The following AFG2A variants were observed in gnomAD, a reference collection of about 807,000 sequenced individuals.
AFG2A encodes the protein AAA ATPase AFG2A, also known as ATPase family gene 2 protein homolog A.
the AFG2A span, among the ~76,000 whole-genome samples, chr4:123,197,814 T>C: frequency 3.9e-5 from 6 of 151,972 alleles, no homozygotes; most frequent in African/African-American, 1.4e-4. Flanking sequence ...TACTTTACCT[T>C]CATGGATGTT....
the AFG2A span, among the ~76,000 whole-genome samples, chr4:122,940,737 GT>G: frequency 6.6e-6 from 1 of 152,110 alleles, no homozygotes; most frequent in South Asian, 2.1e-4. Flanking sequence ...TAATGCCTAG[GT>G]TTTCTTCTAG....
At chr4:122,941,135 T>G in the AFG2A span, among the ~76,000 whole-genome samples, 4 of 150,970 alleles carry the variant, frequency 2.6e-5, no homozygotes, top group African/African-American at 7.3e-5. Flanking sequence ...TGGTTCCATA[T>G]GAACTTTAAA....
At chr4:123,085,876 T>G in the AFG2A span, among the ~76,000 whole-genome samples, 1 of 152,106 alleles carries the variant, frequency 6.6e-6, no homozygotes, top group Admixed American at 6.5e-5. Flanking sequence ...TTTGTTTGTT[T>G]GTTTTTCAGT....
the AFG2A span, chr4:123,028,269 G>T: frequency 1.9e-6 from 3 of 1,614,154 alleles, no homozygotes; most frequent in South Asian, 3.3e-5. Flanking sequence ...AACATCCAGA[G>T]TCTTTCATTC....
chr4:123,070,127 A>G, the AFG2A span, among the ~76,000 whole-genome samples: 1 of 152,306 alleles, frequency 6.6e-6, no homozygotes, highest in Admixed American at 6.5e-5. Flanking sequence ...CAGACATCAC[A>G]TTCTTGCTCT....
the AFG2A span, among the ~76,000 whole-genome samples, chr4:123,118,521 G>A: frequency 6.6e-6 from 1 of 151,466 alleles, no homozygotes; most frequent in Non-Finnish European, 1.5e-5. Context: ...ATGCATGGAT[G>A]AAGAACTACC....
chr4:122,941,307 C>A, the AFG2A span, among the ~76,000 whole-genome samples: 119,293 of 147,624 alleles, frequency 0.81, 50,012 homozygotes, highest in East Asian at 0.95. Context: ...CTTTTATTTC[C>A]TCGAGCAGTA....
At chr4:123,051,548 T>A in the AFG2A span, among the ~76,000 whole-genome samples, 188 of 151,922 alleles carry the variant, frequency 1.2e-3, no homozygotes, top group Non-Finnish European at 1.8e-3. Context: ...CATATTAGTA[T>A]AACAATAACG....
At chr4:122,970,195 T>C in the AFG2A span, among the ~76,000 whole-genome samples, 185 of 152,322 alleles carry the variant, frequency 1.2e-3, no homozygotes, top group African/African-American at 3.8e-3. Flanking sequence ...GGTATAACAT[T>C]TTTTAATCTT....
chr4:123,218,840 TAA>T, the AFG2A span, among the ~76,000 whole-genome samples: 2 of 152,212 alleles, frequency 1.3e-5, no homozygotes, highest in Non-Finnish European at 2.9e-5. Context: ...GGGCTATTTT[TAA>T]AATGTCTGTA....
the AFG2A span, among the ~76,000 whole-genome samples, chr4:123,300,216 G>C: frequency 6.6e-6 from 1 of 152,048 alleles, no homozygotes; most frequent in Non-Finnish European, 1.5e-5. Context: ...GATCAGAAGA[G>C]GAAAAAAATG....
At chr4:122,941,578 A>T in the AFG2A span, among the ~76,000 whole-genome samples, 3 of 152,182 alleles carry the variant, frequency 2.0e-5, no homozygotes, top group Non-Finnish European at 2.9e-5. Context: ...GTTGTCTGCA[A>T]ACAGGGACAA....
At chr4:123,040,708 T>A in the AFG2A span, among the ~76,000 whole-genome samples, 2 of 152,238 alleles carry the variant, frequency 1.3e-5, no homozygotes, top group Non-Finnish European at 2.9e-5. Flanking sequence ...GAGAACATTT[T>A]GCCTCAGCAT....
At chr4:123,030,737 C>A in the AFG2A span, among the ~76,000 whole-genome samples, 1 of 152,080 alleles carries the variant, frequency 6.6e-6, no homozygotes, top group African/African-American at 2.4e-5. Context: ...TTGAATATCC[C>A]TTATCAAAAT....
chr4:123,150,238 C>T, the AFG2A span, among the ~76,000 whole-genome samples: 1 of 152,162 alleles, frequency 6.6e-6, no homozygotes, highest in African/African-American at 2.4e-5. Flanking sequence ...CCTCTCTCAC[C>T]ACTCCTGTTC....
At chr4:123,299,880 A>G in the AFG2A span, among the ~76,000 whole-genome samples, 1 of 152,204 alleles carries the variant, frequency 6.6e-6, no homozygotes, top group Non-Finnish European at 1.5e-5. Flanking sequence ...AAACAACCTT[A>G]TCAAGTGATA....
chr4:123,220,275 T>G, the AFG2A span, among the ~76,000 whole-genome samples: 2 of 152,148 alleles, frequency 1.3e-5, no homozygotes, highest in Non-Finnish European at 2.9e-5. Flanking sequence ...AAAGTCCATG[T>G]AATTTATAGA....
At chr4:122,982,256 T>C in the AFG2A span, among the ~76,000 whole-genome samples, 70 of 152,344 alleles carry the variant, frequency 4.6e-4, no homozygotes, top group Non-Finnish European at 8.8e-4. Flanking sequence ...GATATGATTT[T>C]ATGATTTTTA....
the AFG2A span, among the ~76,000 whole-genome samples, chr4:122,958,458 G>C: frequency 1.3e-5 from 2 of 152,176 alleles, no homozygotes; most frequent in South Asian, 2.1e-4. Context: ...TGTATTTCTG[G>C]GTATGTAGGT....
Sources: allele counts gnomAD v4.1 joint callset (sites outside exome capture counted in the v4.1 genomes callset), GRCh38; gene constraint gnomAD v4.1.1; transcripts MANE v1.5; gene names NCBI Gene and HGNC (gene_info 2026-07-23, HGNC 2026-07-21).